The following VAT1L variants were observed in gnomAD, a reference collection of about 807,000 sequenced individuals.
VAT1L encodes the protein vesicle amine transport 1 like, also known as putative NADPH-dependent quinone oxidoreductase VAT1L.
VAT1L carries 34 observed loss-of-function variants against 44.1 expected under a neutral mutation model. The ratio of observed to expected loss-of-function variants is 0.77; its 90% CI spans 0.59 to 1.03. VAT1L has a LOEUF of 1.03. VAT1L is among the 50% of genes least tolerant of loss of function. VAT1L has a pLI of 0.00. For synonymous variants in VAT1L, 253 were observed against 202.2 expected, an observed-to-expected ratio of 1.25 and a Z score of -2.13; for missense variants, 615 against 538.8, an observed-to-expected ratio of 1.14 and a Z score of -1.40.
intron 7 of VAT1L, among the ~76,000 whole-genome samples, chr16:77,957,084 T>C (rs943447295): frequency 2.6e-5 from 4 of 152,232 alleles, no homozygotes. Flanking sequence ...ACAATTCCTT[T>C]GTACCAACTT....
chr16:77,945,714 T>C (rs2017952833), intron 7 of VAT1L, among the ~76,000 whole-genome samples: 2 of 152,316 alleles, frequency 1.3e-5, no homozygotes, highest in South Asian at 4.1e-4. Flanking sequence ...GTAACCCTTT[T>C]GTATGAGTTG....
At position 77,847,220 on chromosome 16, in the gene VAT1L, G is replaced by GA. The variant is rs112407377; in HGVS notation, c.580-15515dup. On this transcript the variant is annotated intron_variant, in intron 3 of 8. Coordinates refer to ENST00000302536, the MANE Select transcript of VAT1L (RefSeq NM_020927.3). Reference sequence around the variant, plus strand: ...GAGCTTTTTGGAAATGAGAAAGCAGGAAAAAAAAAAAAAGCTCTTAAACTA... The same window carrying GA: ...GAGCTTTTTGGAAATGAGAAAGCAGGAAAAAAAAAAAAAAGCTCTTAAACTA... 5.3e-3 allele frequency among the ~76,000 whole-genome samples: 740 copies of GA among 138,866 alleles called. 1 individual carries two copies. The highest frequency in any genetic ancestry group is 8.9e-3 in the African/African-American group (336 of 37,910). 91.1% of individuals were successfully genotyped at this position (138,866 alleles called of 152,430 possible). A position where few individuals can be genotyped will look rare whatever the true frequency, so the allele number is the denominator to read the frequency against.
intron 7 of VAT1L, among the ~76,000 whole-genome samples, chr16:77,938,439 T>C (rs74025925): frequency 0.02 from 3,033 of 152,338 alleles, 116 homozygotes; most frequent in African/African-American, 0.07. Context: ...AAATCTCATG[T>C]TGAATTGTAA....
intron 1 of VAT1L, among the ~76,000 whole-genome samples, chr16:77,803,617 C>T (rs916835860): frequency 1.3e-5 from 2 of 151,936 alleles, no homozygotes; most frequent in Non-Finnish European, 1.5e-5. Flanking sequence ...GACGGGGTTT[C>T]ACTGTGTTAG....
chr16:77,951,840 TAAAA>T (rs11415182), intron 7 of VAT1L, among the ~76,000 whole-genome samples: 1 of 146,036 alleles, frequency 6.8e-6, no homozygotes, highest in Non-Finnish European at 1.5e-5. Context: ...AGTTTAAAAT[TAAAA>T]AAAAAAAAAC....
chr16:77,920,501 T>C (rs928267034), intron 7 of VAT1L, among the ~76,000 whole-genome samples: 14 of 152,146 alleles, frequency 9.2e-5, no homozygotes, highest in Non-Finnish European at 2.1e-4. Flanking sequence ...CCCTGAATTA[T>C]ACTTAGAAGA....
intron 3 of VAT1L, among the ~76,000 whole-genome samples, chr16:77,844,750 T>G (rs2016742007): frequency 6.6e-6 from 1 of 152,046 alleles, no homozygotes; most frequent in Non-Finnish European, 1.5e-5. Flanking sequence ...TAGATTTTGG[T>G]ATCTACAGAG....
At chr16:77,845,867 C>G (rs921101094) in intron 3 of VAT1L, among the ~76,000 whole-genome samples, 4 of 152,172 alleles carry the variant, frequency 2.6e-5, no homozygotes, top group African/African-American at 9.7e-5. Flanking sequence ...TTAGATTCAT[C>G]TATCTGTGCA....
chr16:77,952,001 G>A (rs2018050064), intron 7 of VAT1L, among the ~76,000 whole-genome samples: 1 of 152,162 alleles, frequency 6.6e-6, no homozygotes, highest in Admixed American at 6.5e-5. Context: ...GTTTCAGGAA[G>A]AAGGCAGGTG....
intron 7 of VAT1L, among the ~76,000 whole-genome samples, chr16:77,927,698 A>T (rs1476955068): frequency 6.6e-6 from 1 of 152,040 alleles, no homozygotes; most frequent in Non-Finnish European, 1.5e-5. Flanking sequence ...TAACACAGTG[A>T]AACCCCGTCT....
At chr16:77,790,781 G>T (rs1444604067) in intron 1 of VAT1L, among the ~76,000 whole-genome samples, 1 of 152,212 alleles carries the variant, frequency 6.6e-6, no homozygotes, top group East Asian at 1.9e-4. Context: ...TTAAAGGAAA[G>T]AGCATCATCT....
chr16:77,913,292 G>A (rs1469555567), intron 7 of VAT1L, among the ~76,000 whole-genome samples: 2 of 152,094 alleles, frequency 1.3e-5, no homozygotes, highest in African/African-American at 4.8e-5. Flanking sequence ...ACACATCTCT[G>A]TAACGTTTTT....
chr16:77,860,272 G>A (rs573915520), intron 3 of VAT1L, among the ~76,000 whole-genome samples: 1 of 152,278 alleles, frequency 6.6e-6, no homozygotes, highest in African/African-American at 2.4e-5. Context: ...AACTGACTTA[G>A]GGAGTAACTC....
chr16:77,858,903 A>C (rs1300027499), intron 3 of VAT1L, among the ~76,000 whole-genome samples: 2 of 152,094 alleles, frequency 1.3e-5, no homozygotes, highest in Admixed American at 1.3e-4. Context: ...TGGGAGGCCG[A>C]GGCGGGCGGG....
chr16:77,792,017 C>T lies in VAT1L; in HGVS notation c.233+3102C>T, dbSNP rs56759539. ...TTGAATATAAGCTTAAGCCTCATCT[C>T]TTCCTATCCATATGCCCCTGGGGGA... On this transcript the variant is annotated intron_variant, in intron 1 of 8. Coordinates refer to ENST00000302536, the MANE Select transcript of VAT1L (RefSeq NM_020927.3). Among the ~76,000 whole-genome samples, 22 of 152,298 alleles carry T rather than the reference C, an allele frequency of 1.4e-4. No homozygotes were observed. The East Asian group carries it at 4.2e-3, about 29-fold the overall frequency.
At chr16:77,967,158 G>C (rs440098) in intron 7 of VAT1L, among the ~76,000 whole-genome samples, 1 of 151,866 alleles carries the variant, frequency 6.6e-6, no homozygotes, top group Non-Finnish European at 1.5e-5. Flanking sequence ...GAGCAGTTTG[G>C]GGTGTTGACA....
At chr16:77,973,457 G>T (rs2018301905) in intron 8 of VAT1L, among the ~76,000 whole-genome samples, 1 of 151,832 alleles carries the variant, frequency 6.6e-6, no homozygotes, top group Admixed American at 6.6e-5. Flanking sequence ...GTTAATTTTT[G>T]TATTTTTAGT....
chr16:77,847,386 C>T (rs1046072810), intron 3 of VAT1L, among the ~76,000 whole-genome samples: 5 of 152,164 alleles, frequency 3.3e-5, no homozygotes, highest in African/African-American at 1.2e-4. Flanking sequence ...GTGCTTCTGA[C>T]GTATAAACCT....
chr16:77,835,062 C>T (rs2016624465), intron 3 of VAT1L, among the ~76,000 whole-genome samples: 1 of 151,996 alleles, frequency 6.6e-6, no homozygotes, highest in South Asian at 2.1e-4. Context: ...TAATTTCATT[C>T]CCCCAAACCT....
Sources: gnomAD v4.1 joint callset for allele counts (sites outside exome capture counted in the v4.1 genomes callset) on GRCh38, gnomAD v4.1.1 for gene constraint, MANE v1.5 for transcripts, NCBI Gene and HGNC (gene_info 2026-07-23, HGNC 2026-07-21) for gene names.